ASTN2: variants seen among roughly 807,000 people sequenced by gnomAD.
ASTN2 encodes astrotactin-2.
A neutral mutation model predicts 139.8 loss-of-function variants in ASTN2; 54 were observed. The ratio of observed to expected loss-of-function variants is 0.39; its 90% CI spans 0.31 to 0.48. The LOEUF (loss-of-function observed/expected upper bound fraction) is 0.48, where lower values mean the gene tolerates loss of function less well. Ranked by LOEUF, ASTN2 falls within the 20% of genes least tolerant of loss-of-function variation. The probability of loss-of-function intolerance (pLI) is 0.95; values close to 1 mark genes in which losing one functional copy is unlikely to be tolerated. For synonymous variants in ASTN2, 756 were observed against 719.5 expected (o/e 1.05, Z -0.81); for missense variants, 1,565 against 1,725.1 (o/e 0.91, Z 1.64).
intron 14 of ASTN2, among the ~76,000 whole-genome samples, chr9:116,732,849 T>C (rs1421514138): frequency 6.6e-6 from 1 of 152,178 alleles, no homozygotes; most frequent in Non-Finnish European, 1.5e-5. Context: ...CTGTGTAACT[T>C]TGGACTGGTC....
At chr9:116,668,197 T>C (rs1858985701) in intron 16 of ASTN2, among the ~76,000 whole-genome samples, 1 of 99,434 alleles carries the variant, frequency 1.0e-5, no homozygotes, top group Non-Finnish European at 2.0e-5. Flanking sequence ...CAGATTGGCT[T>C]TTTTTTTTTT....
At chr9:116,632,252 G>GAAAGAAGGAAAGAAAGAAA (rs1856833378) in intron 17 of ASTN2, among the ~76,000 whole-genome samples, 2 of 70,922 alleles carry the variant, frequency 2.8e-5, no homozygotes, top group East Asian at 5.4e-4. Flanking sequence ...AAAGAAAGAA[G>GAAAGAAGGAAAGAAAGAAA]GAAAGAAAGA....
intron 3 of ASTN2, among the ~76,000 whole-genome samples, chr9:117,171,976 A>C (rs1830805410): frequency 6.6e-6 from 1 of 152,192 alleles, no homozygotes; most frequent in Non-Finnish European, 1.5e-5. Context: ...TTGCAACAAC[A>C]TGGATGAATC....
At chr9:116,572,242 G>C (rs552567050) in intron 19 of ASTN2, among the ~76,000 whole-genome samples, 1 of 152,052 alleles carries the variant, frequency 6.6e-6, no homozygotes, top group Non-Finnish European at 1.5e-5. Context: ...TGACACCTCC[G>C]CTGCTCTGGC....
At chr9:116,723,389 G>T (rs965516791) in intron 16 of ASTN2, among the ~76,000 whole-genome samples, 1 of 152,164 alleles carries the variant, frequency 6.6e-6, no homozygotes, top group East Asian at 1.9e-4. Context: ...AGACTTAGAA[G>T]TTCCTTTACC....
At chr9:116,882,172 G>A (rs1032437852) in intron 10 of ASTN2, among the ~76,000 whole-genome samples, 1 of 152,070 alleles carries the variant, frequency 6.6e-6, no homozygotes, top group African/African-American at 2.4e-5. Context: ...TGTCAGATAC[G>A]AGTAAGCCAT....
Position 116,844,264 on chromosome 9 carries a change from C to T in ASTN2, c.2040+19319G>A, listed in dbSNP as rs189302929. 1.9e-3 allele frequency among the ~76,000 whole-genome samples: 294 copies of T among 152,334 alleles called. 1 individual carries two copies. The highest frequency in any genetic ancestry group is 3.5e-3 in the Non-Finnish European group (237 of 68,032). Reference sequence around the variant, plus strand: ...CAGAAAGAATCAGTTTTCTTTTTCTCCCATGTTCATTATTCTTCTCCTAGC... The same window carrying T: ...CAGAAAGAATCAGTTTTCTTTTTCTTCCATGTTCATTATTCTTCTCCTAGC... On this transcript the variant is annotated intron_variant, in intron 11 of 22. Transcript: ENST00000313400.
At chr9:117,318,939 G>T (rs1828232389) in intron 1 of ASTN2, among the ~76,000 whole-genome samples, 1 of 152,192 alleles carries the variant, frequency 6.6e-6, no homozygotes, top group South Asian at 2.1e-4. Context: ...GGAAGCGGGG[G>T]CGAGTTTCAA....
chr9:116,580,539 G>A (rs1853907599), intron 19 of ASTN2, among the ~76,000 whole-genome samples: 1 of 152,192 alleles, frequency 6.6e-6, no homozygotes, highest in Admixed American at 6.5e-5. Context: ...CTAAACCTGT[G>A]CTTTGCTGCA....
intron 2 of ASTN2, among the ~76,000 whole-genome samples, chr9:117,260,600 G>T (rs1833799436): frequency 6.6e-6 from 1 of 152,150 alleles, no homozygotes. Flanking sequence ...CAGAAATTGT[G>T]ATTTCTTTAT....
At chr9:116,484,075 T>C (rs570594325) in intron 20 of ASTN2, among the ~76,000 whole-genome samples, 1 of 152,212 alleles carries the variant, frequency 6.6e-6, no homozygotes, top group Non-Finnish European at 1.5e-5. Context: ...GGATTCTGGA[T>C]GGTCGTTCCT....
intron 11 of ASTN2, among the ~76,000 whole-genome samples, 191 bp from the exon 12 acceptor site, chr9:116,820,974 C>A (rs1376851622): frequency 6.6e-6 from 1 of 152,168 alleles, no homozygotes; most frequent in Non-Finnish European, 1.5e-5. Flanking sequence ...GTGTGCCCAC[C>A]TGTAAAATGG....
intron 3 of ASTN2, among the ~76,000 whole-genome samples, chr9:117,187,915 C>G (rs1831243922): frequency 6.6e-6 from 1 of 152,110 alleles, no homozygotes; most frequent in Non-Finnish European, 1.5e-5. Flanking sequence ...TTGTTCCTCC[C>G]ACGTTCTTGT....
At chr9:116,625,726 T>C (rs945369342) in intron 17 of ASTN2, among the ~76,000 whole-genome samples, 3 of 152,152 alleles carry the variant, frequency 2.0e-5, no homozygotes, top group Non-Finnish European at 4.4e-5. Flanking sequence ...GCCAACTTCT[T>C]ACAGTAGTGC....
At chr9:117,251,106 C>T (rs942151809) in intron 2 of ASTN2, among the ~76,000 whole-genome samples, 2 of 152,134 alleles carry the variant, frequency 1.3e-5, no homozygotes, top group African/African-American at 2.4e-5. Context: ...ACAGCATCCT[C>T]GCTTTGCAGA....
intron 4 of ASTN2, among the ~76,000 whole-genome samples, chr9:117,136,800 T>C (rs146591237): frequency 1.6e-3 from 241 of 152,326 alleles, no homozygotes; most frequent in African/African-American, 5.3e-3. Flanking sequence ...TATTCCTTAT[T>C]GAGGGTTGAA....
At chr9:116,788,182 G>A (rs965784511) in intron 13 of ASTN2, among the ~76,000 whole-genome samples, 8 of 152,152 alleles carry the variant, frequency 5.3e-5, no homozygotes, top group South Asian at 4.1e-4. Context: ...GAGGAATTGC[G>A]GGGAGATGAA....
At chr9:116,629,766 A>G (rs1219707894) in intron 17 of ASTN2, among the ~76,000 whole-genome samples, 1 of 152,108 alleles carries the variant, frequency 6.6e-6, no homozygotes, top group African/African-American at 2.4e-5. Context: ...ACAGCTCCTT[A>G]ATCTGGGTGA....
At chr9:116,621,598 C>T in intron 17 of ASTN2, among the ~76,000 whole-genome samples, 1 of 151,764 alleles carries the variant, frequency 6.6e-6, no homozygotes, top group Non-Finnish European at 1.5e-5. Context: ...CTCTTCTGGA[C>T]ACCATAACAC....
Sources: allele counts gnomAD v4.1 joint callset (sites outside exome capture counted in the v4.1 genomes callset), GRCh38; gene constraint gnomAD v4.1.1; transcripts MANE v1.5; gene names NCBI Gene and HGNC (gene_info 2026-07-23, HGNC 2026-07-21).